The following CGREF1 variants were observed in gnomAD, a reference collection of about 807,000 sequenced individuals.
CGREF1 encodes cell growth regulator with EF-hand domain 1, also known as cell growth regulator with EF hand domain protein 1.
A neutral mutation model predicts 17.4 loss-of-function variants in CGREF1; 16 were observed. The ratio of observed to expected loss-of-function variants is 0.92; its 90% CI spans 0.62 to 1.40. CGREF1 has a LOEUF of 1.40. CGREF1 is among the 40% of genes most tolerant of loss of function. CGREF1 has a pLI of 0.00. For missense variants in CGREF1, 296 were observed against 376.4 expected (o/e 0.79, Z 1.77); for synonymous variants, 142 against 154.6 (o/e 0.92, Z 0.61).
At position 27,102,354 on chromosome 2, in the gene CGREF1, C is replaced by T. The variant is rs570480263; in HGVS notation, c.217+6G>A. 6.8e-6 allele frequency: 11 copies of T among 1,614,050 alleles called. No homozygotes were observed. In the East Asian group the frequency reaches 1.8e-4, roughly 26 times the overall value. On this transcript the variant is annotated splice_donor_region_variant and intron_variant, in intron 4 of 5. Transcript: ENST00000402394. The stretch of plus-strand genomic sequence containing the variant: ...CGTCCCTGGCCCCATCAGCCCAGCC[C>T]CTCACCCTGCTCCCGGCTCAGATGC...
chr2:27,099,708 C>T (rs577933898), downstream of CGREF1: 18 of 1,614,106 alleles, frequency 1.1e-5, 1 homozygote, highest in East Asian at 2.2e-5. Context: ...GCCAGGTGGC[C>T]GGCAAGAAGT....
intron 4 of CGREF1, 54 bp downstream of exon 4, chr2:27,102,306 A>G: frequency 1.9e-6 from 3 of 1,612,774 alleles, no homozygotes; most frequent in Non-Finnish European, 2.5e-6. Context: ...GGTCAGTCCC[A>G]GATCTGGCTG....
At chr2:27,107,822 T>C (rs1487426078) in intron 1 of CGREF1, among the ~76,000 whole-genome samples, 2 of 147,868 alleles carry the variant, frequency 1.4e-5, no homozygotes, top group Non-Finnish European at 3.0e-5. Context: ...TAATCCCAGC[T>C]ACTCGGGAGG....
downstream of CGREF1, chr2:27,099,440 G>A (rs980080107): frequency 5.0e-6 from 8 of 1,613,860 alleles, no homozygotes; most frequent in Non-Finnish European, 5.9e-6. Context: ...GTCTGTGCCT[G>A]GGCTGAGGAG....
At chr2:27,112,284 A>G (rs1323417815) in intron 1 of CGREF1, among the ~76,000 whole-genome samples, 1 of 152,158 alleles carries the variant, frequency 6.6e-6, no homozygotes, top group African/African-American at 2.4e-5. Context: ...TCAGAAAAAA[A>G]TAAACCAAAG....
chr2:27,102,971 TCTGG>T, intron 2 of CGREF1: 1 of 985,424 alleles, frequency 1.0e-6, no homozygotes, highest in Non-Finnish European at 1.2e-6. Context: ...GGGACAGGTC[TCTGG>T]CTGAGCCTGG....
intron 1 of CGREF1, among the ~76,000 whole-genome samples, chr2:27,110,141 T>A (rs1671305574): frequency 6.6e-6 from 1 of 151,734 alleles, no homozygotes; most frequent in Non-Finnish European, 1.5e-5. Context: ...GAGGATCACT[T>A]GAGCCCAGGA....
intron 1 of CGREF1, among the ~76,000 whole-genome samples, chr2:27,116,449 C>A (rs1019302107): frequency 6.6e-6 from 1 of 151,626 alleles, no homozygotes; most frequent in Non-Finnish European, 1.5e-5. Flanking sequence ...ATTGCTTGAA[C>A]CCAGGAGGCA....
chr2:27,108,911 T>TA (rs989047957), intron 1 of CGREF1, among the ~76,000 whole-genome samples: 1 of 151,758 alleles, frequency 6.6e-6, no homozygotes, highest in Non-Finnish European at 1.5e-5. Flanking sequence ...GCCTCACAAG[T>TA]AGCTGGGACG....
chr2:27,100,495 G>C (rs1670753683), downstream of CGREF1: 1 of 1,290,892 alleles, frequency 7.7e-7, no homozygotes, highest in South Asian at 1.2e-5. Context: ...GTCCGATCTG[G>C]AACACATATT....
chr2:27,099,671 G>C, downstream of CGREF1: 1 of 1,614,140 alleles, frequency 6.2e-7, no homozygotes, highest in South Asian at 1.1e-5. Flanking sequence ...CCAGGGAGGA[G>C]CGTGCAGGAA....
chr2:27,113,990 C>CTTTT (rs60288087), intron 1 of CGREF1, among the ~76,000 whole-genome samples: 24 of 102,358 alleles, frequency 2.3e-4, no homozygotes, highest in African/African-American at 3.6e-4. Flanking sequence ...TAGCAGGTGC[C>CTTTT]TTTTTTTTTT....
chr2:27,105,927 T>C (rs1671104297), intron 1 of CGREF1, among the ~76,000 whole-genome samples: 1 of 152,230 alleles, frequency 6.6e-6, no homozygotes, highest in Non-Finnish European at 1.5e-5. Context: ...TAAGCCCCAG[T>C]AGCCAAAAAT....
rs1259106800 is a variant in CGREF1 at position 27,116,923 on chromosome 2, C to CTCTCTCTCTCTT, written c.-12+1922_-12+1923insAAGAGAGAGAGA. On this transcript the variant is annotated intron_variant, in intron 1 of 5. Coordinates refer to ENST00000402394, the MANE Select transcript of CGREF1 (RefSeq NM_006569.6). ...TCTCTCTCTCTCTCTCTCTCTCTCT[C>CTCTCTCTCTCTT]TTTTTTTGAGACAGAGTCTCGCTCT... Among the ~76,000 whole-genome samples the CTCTCTCTCTCTT allele has an allele frequency of 6.3e-3, 331 of 52,960 alleles. 8 individuals are homozygous for CTCTCTCTCTCTT. Among genetic ancestry groups the CTCTCTCTCTCTT allele is most frequent in the Middle Eastern group, 0.011 (1 of 90 alleles). The allele number at this position is 52,960 out of a possible 152,430, so 34.7% of individuals were successfully genotyped here.
intron 1 of CGREF1, among the ~76,000 whole-genome samples, chr2:27,109,972 C>T (rs1671294094): frequency 6.9e-6 from 1 of 144,592 alleles, no homozygotes; most frequent in Admixed American, 6.9e-5. Context: ...TAGCCTCAAA[C>T]CAGTAGAAAA....
At chr2:27,116,871 T>TTCTCTCTCTCTCTCTCTCTCTCTC (rs537582075) in intron 1 of CGREF1, among the ~76,000 whole-genome samples, 60 of 33,650 alleles carry the variant, frequency 1.8e-3, no homozygotes, top group Admixed American at 2.4e-3. Flanking sequence ...GCCAGGCCTA[T>TTCTCTCTCTCTCTCTCTCTCTCTC]TCTCTCTCTC....
At chr2:27,102,926 G>A in intron 2 of CGREF1, 1 of 985,394 alleles carries the variant, frequency 1.0e-6, no homozygotes, top group Non-Finnish European at 1.2e-6. Context: ...GACAACATGG[G>A]TCACAGACCC....
chr2:27,101,163 A>G lies in CGREF1; in HGVS notation c.*111T>C. ...ACAGAAAGACCTGATACCTACTGGG[A>G]CCAGGCAGGGGGCACAGAGATGGTC... On this transcript the variant is annotated 3_prime_UTR_variant, in exon 6 of 6. Coordinates refer to ENST00000402394, the MANE Select transcript of CGREF1 (RefSeq NM_006569.6). 1.3e-6 allele frequency: 2 copies of G among 1,485,538 alleles called. No individual in the cohort carries two copies. The highest frequency in any genetic ancestry group is 1.8e-6 in the Non-Finnish European group (2 of 1,124,930). The allele number at this position is 1,485,538 out of a possible 1,614,324, so 92.0% of individuals were successfully genotyped here. A position where few individuals can be genotyped will look rare whatever the true frequency, so the allele number is the denominator to read the frequency against.
chr2:27,104,418 G>T (rs369155217), intron 1 of CGREF1, 41 bp from the exon 2 acceptor site: 1 of 1,604,882 alleles, frequency 6.2e-7, no homozygotes, highest in Non-Finnish European at 8.5e-7. Context: ...GGAAAGAGGC[G>T]TCTGCCACCG....
Sources: allele counts gnomAD v4.1 joint callset (sites outside exome capture counted in the v4.1 genomes callset), GRCh38; gene constraint gnomAD v4.1.1; transcripts MANE v1.5; gene names NCBI Gene and HGNC (gene_info 2026-07-23, HGNC 2026-07-21).